The following IL17RD variants were observed in gnomAD, a reference collection of about 807,000 sequenced individuals.
IL17RD encodes the protein interleukin 17 receptor D.
In IL17RD, 52 loss-of-function variants were observed where a neutral mutation model predicts 80.5. The ratio of observed to expected loss-of-function variants is 0.65; its 90% CI spans 0.52 to 0.81. The LOEUF is 0.81. IL17RD is among the 40% of genes least tolerant of loss of function. The pLI is 0.00. For synonymous variants in IL17RD, 416 were observed against 391.8 expected, an observed-to-expected ratio of 1.06 and a Z score of -0.73; for missense variants, 1,024 against 955.1, an observed-to-expected ratio of 1.07 and a Z score of -0.95.
At chr3:57,100,474 T>C (rs886732468) in intron 11 of IL17RD, among the ~76,000 whole-genome samples, 1 of 152,244 alleles carries the variant, frequency 6.6e-6, no homozygotes, top group Non-Finnish European at 1.5e-5. Context: ...TAGAAAAGCA[T>C]ATTAATAAGA....
chr3:57,146,031 A>ACGCG (rs772853986), intron 1 of IL17RD, among the ~76,000 whole-genome samples: 3 of 132,760 alleles, frequency 2.3e-5, no homozygotes, highest in East Asian at 4.7e-4. Context: ...ACACACACTC[A>ACGCG]CGCGCGCGCG....
intron 1 of IL17RD, among the ~76,000 whole-genome samples, chr3:57,140,025 GA>G (rs1299550097): frequency 2.6e-5 from 4 of 151,914 alleles, no homozygotes; most frequent in African/African-American, 9.7e-5. Flanking sequence ...TCTGGCCCTG[GA>G]AAAAAGTACT....
intron 1 of IL17RD, among the ~76,000 whole-genome samples, chr3:57,138,020 T>G (rs929508070): frequency 6.6e-6 from 1 of 152,224 alleles, no homozygotes; most frequent in Non-Finnish European, 1.5e-5. Context: ...AGGACAATAC[T>G]GTATGACTAC....
rs946336243 is a variant in IL17RD at position 57,105,776 on chromosome 3, A to G, written c.747+81T>C. On this transcript the variant is annotated intron_variant, in intron 7 of 12. Transcript: ENST00000296318. ...TGAGAGCCAACAAAGCCTAATGCTC[A>G]CATTGAGCAACCCAAATTCCAGTGG... 19 of 1,242,294 alleles carry G rather than the reference A, an allele frequency of 1.5e-5. No homozygotes were observed. In the Admixed American group the frequency reaches 2.0e-4, roughly 13 times the overall value. The allele number at this position is 1,242,294 out of a possible 1,614,324, so 77.0% of individuals were successfully genotyped here.
intron 1 of IL17RD, among the ~76,000 whole-genome samples, chr3:57,121,284 C>T (rs1163788847): frequency 6.6e-6 from 1 of 152,128 alleles, no homozygotes; most frequent in East Asian, 1.9e-4. Flanking sequence ...AATTGTTACA[C>T]CAAAACAAAA....
rs750602914 is a variant in IL17RD at position 57,098,081 on chromosome 3, G to C, written c.1622C>G (p.Ser541Cys). The change falls in exon 12 of 13, where the codon TCC becomes TGC. Residue 541 changes from serine (S) to cysteine (C), a missense_variant. Physicochemically the swap from Ser to Cys is moderately radical, Grantham distance 112. Transcript: ENST00000296318. ...RNYFRSKSGR[S>C]LYVAICNMHQ... ...CATGTTGCAAATGGCGACGTATAGG[G>C]ACCGGCCTGACTTGCTCCGGAAGTA... 1 of 1,613,998 alleles carries C rather than the reference G, an allele frequency of 6.2e-7. No individual in the cohort carries two copies. The highest frequency in any genetic ancestry group is 1.1e-5 in the South Asian group (1 of 91,070).
At chr3:57,151,631 A>G (rs149749097) in intron 1 of IL17RD, among the ~76,000 whole-genome samples, 90 of 152,294 alleles carry the variant, frequency 5.9e-4, no homozygotes, top group African/African-American at 2.1e-3. Context: ...TCTCAGTCTC[A>G]GCGCTATTTA....
intron 2 of IL17RD, among the ~76,000 whole-genome samples, chr3:57,119,352 A>G (rs1707284085): frequency 9.8e-6 from 1 of 102,492 alleles, no homozygotes; most frequent in African/African-American, 2.9e-5. Flanking sequence ...ACTCCATCTC[A>G]AAAAAAACAA....
chr3:57,101,241 G>C lies in IL17RD; in HGVS notation c.1102C>G (p.Gln368Glu). The C allele has an allele frequency of 6.2e-7, 1 of 1,613,724 alleles. No individual in the cohort carries two copies. Among genetic ancestry groups the C allele is most frequent in the Non-Finnish European group, 8.5e-7 (1 of 1,179,714 alleles). The change falls in exon 11 of 13, where the codon CAG becomes GAG. Residue 368 changes from glutamine to glutamate, a missense_variant. Gln to Glu is a conservative substitution (Grantham distance 29, BLOSUM62 2). Transcript: ENST00000296318. ...VFLCYSSKDG[Q>E]NHMNVVQCFA... ...CACTGGACGACATTCATGTGATTCT[G>C]GCCATCTTTACTGGAATAGCAGAGA...
Position 57,127,339 on chromosome 3 carries a change from A to T in IL17RD, c.127-7026T>A, listed in dbSNP as rs1375102146. Among the ~76,000 whole-genome samples, 278 of 67,174 alleles carry T rather than the reference A, an allele frequency of 4.1e-3. 19 individuals are homozygous for T. Among genetic ancestry groups the T allele is most frequent in the African/African-American group, 0.016 (210 of 13,258 alleles). The allele number at this position is 67,174 out of a possible 152,430, so 44.1% of individuals were successfully genotyped here. A position where few individuals can be genotyped will look rare whatever the true frequency, so the allele number is the denominator to read the frequency against. ...AAAAATATATATAAATATATATAAAAATATATATAAATATATATAAATATA... is the reference window on the plus strand; with the variant it reads ...AAAAATATATATAAATATATATAAATATATATATAAATATATATAAATATA... On this transcript the variant is annotated intron_variant, in intron 1 of 12. Transcript: ENST00000296318.
At chr3:57,162,068 C>A (rs1159127591) in intron 1 of IL17RD, among the ~76,000 whole-genome samples, 2 of 152,220 alleles carry the variant, frequency 1.3e-5, no homozygotes, top group Non-Finnish European at 2.9e-5. Context: ...CCACTTAAAC[C>A]AGGCCAGCCC....
chr3:57,146,027 ACTCACG>A (rs1559483453), intron 1 of IL17RD, among the ~76,000 whole-genome samples: 1 of 128,086 alleles, frequency 7.8e-6, no homozygotes, highest in Admixed American at 8.6e-5. Context: ...GCACACACAC[ACTCACG>A]CGCGCGCGCG....
chr3:57,102,487 T>G lies in IL17RD; in HGVS notation c.971A>C (p.Lys324Thr). The G allele has an allele frequency of 6.5e-7, 1 of 1,547,226 alleles. No individual in the cohort carries two copies. Among genetic ancestry groups the G allele is most frequent in the Non-Finnish European group, 8.8e-7 (1 of 1,130,060 alleles). ...ATLFTVMCRK[K>T]QQENIYSHLD... ...AGCACACAAAGAGATACCTTGTTGC[T>G]TCTTGCGGCACATCACAGTGAAGAG... is the stretch of plus-strand genomic sequence containing the variant. Residue 324 changes from lysine to threonine, a missense_variant, in exon 10 of 13, where the codon AAG becomes ACG. Physicochemically the swap from Lys to Thr is moderately conservative, Grantham distance 78 (BLOSUM62 -1). Coordinates refer to ENST00000296318, the MANE Select transcript of IL17RD (RefSeq NM_017563.5).
rs1296958450 is a variant in IL17RD, at chr3:57,101,248, T to G, written c.1095A>C (p.Lys365Asn). ...RPKVFLCYSSKDGQNHMNVVQ... is the reference protein window; with the variant it reads ...RPKVFLCYSSNDGQNHMNVVQ... ...CGACATTCATGTGATTCTGGCCATC[T>G]TTACTGGAATAGCAGAGAAAGACCT... Residue 365 changes from lysine (K) to asparagine (N), a missense_variant, in exon 11 of 13, where the codon AAA (lysine) becomes AAC (asparagine). Physicochemically the swap from Lys to Asn is moderately conservative, Grantham distance 94. Transcript: ENST00000296318. 1 of 1,613,662 alleles carries G rather than the reference T, an allele frequency of 6.2e-7. No individual in the cohort carries two copies. Among genetic ancestry groups the G allele is most frequent in the Non-Finnish European group, 8.5e-7 (1 of 1,179,758 alleles).
At chr3:57,121,910 G>C (rs1707347855) in intron 1 of IL17RD, among the ~76,000 whole-genome samples, 1 of 152,032 alleles carries the variant, frequency 6.6e-6, no homozygotes, top group Non-Finnish European at 1.5e-5. Context: ...CATCTATTAG[G>C]AGCCAGACAT....
In IL17RD at chr3:57,093,521, G is replaced by A. The variant is rs1706604161; in HGVS notation, c.*2872C>T. 6.6e-6 allele frequency: 1 copy of A among 152,122 alleles called. No homozygotes were observed. Among genetic ancestry groups the A allele is most frequent in the South Asian group, 2.1e-4 (1 of 4,822 alleles). 9.4% of individuals were successfully genotyped at this position (152,122 alleles called of 1,614,324 possible). A position where few individuals can be genotyped will look rare whatever the true frequency, so the allele number is the denominator to read the frequency against. On this transcript the variant is annotated 3_prime_UTR_variant, in exon 13 of 13. Coordinates refer to ENST00000296318, the MANE Select transcript of IL17RD (RefSeq NM_017563.5). ...AAAATCATGTAACCCCACATTTTTT[G>A]AAGGACAGTCTTCCTGCTTATTTGC...
In IL17RD at chr3:57,108,768, G is replaced by A. The variant is rs186741332; in HGVS notation, c.550+769C>T. Among the ~76,000 whole-genome samples the A allele has an allele frequency of 1.5e-4, 23 of 151,538 alleles. No individual in the cohort carries two copies. The East Asian group carries it at 4.5e-3, about 30-fold the overall frequency. On this transcript the variant is annotated intron_variant, in intron 5 of 12. Transcript: ENST00000296318. ...TGACCTCAGGTGATTCACCCATCTT[G>A]GCCTCCCAAAGTGTTGGGATTACAG...
chr3:57,137,578 A>C (rs1346787713), intron 1 of IL17RD, among the ~76,000 whole-genome samples: 1 of 152,238 alleles, frequency 6.6e-6, no homozygotes, highest in African/African-American at 2.4e-5. Context: ...AGTGACACTT[A>C]TAAAACAGAA....
chr3:57,110,094 C>G, intron 4 of IL17RD, 99 bp downstream of exon 4: 1 of 1,396,860 alleles, frequency 7.2e-7, no homozygotes. Flanking sequence ...GGGGTGGACC[C>G]CATAGCCCCT....
Sources: gnomAD v4.1 joint callset for allele counts (sites outside exome capture counted in the v4.1 genomes callset) on GRCh38, gnomAD v4.1.1 for gene constraint, MANE v1.5 for transcripts, NCBI Gene and HGNC (gene_info 2026-07-23, HGNC 2026-07-21) for gene names.